Variants in GABBR1 observed in about 807,000 individuals in gnomAD.
The protein encoded by GABBR1 is gamma-aminobutyric acid type B receptor subunit 1.
In GABBR1, 35 loss-of-function variants were observed where a neutral mutation model predicts 117.7. The ratio of observed to expected loss-of-function variants is 0.30; its 90% CI spans 0.23 to 0.39. The LOEUF is 0.39. GABBR1 is among the 10% of genes least tolerant of loss of function. GABBR1 has a pLI of 1.00. For synonymous variants in GABBR1, 442 were observed against 486.6 expected (o/e 0.91, Z 1.21); for missense variants, 709 against 1,241.8 (o/e 0.57, Z 6.45).
Position 29,605,466 on chromosome 6 carries a change from T to C in GABBR1, c.2439+103A>G. The C allele has an allele frequency of 7.0e-7, 1 of 1,424,094 alleles. No homozygotes were observed. Among genetic ancestry groups the C allele is most frequent in the East Asian group, 2.3e-5 (1 of 43,752 alleles). The allele number at this position is 1,424,094 out of a possible 1,614,324, so 88.2% of individuals were successfully genotyped here. ...AAGAATTAACAAACTTTTTAAGACT[T>C]CTAAGCAACCGATCCCAGATCTAGC... On this transcript the variant is annotated intron_variant, in intron 20 of 22. Transcript: ENST00000377034. The surrounding 1 kb of genome is among the most constrained non-coding windows in gnomAD (Gnocchi z 4.2).
rs1000435898 is a variant in GABBR1, at chr6:29,613,956, C to T, written c.1324-471G>A. Among the ~76,000 whole-genome samples the T allele has an allele frequency of 6.6e-6, 1 of 152,186 alleles. No homozygotes were observed. Among genetic ancestry groups the T allele is most frequent in the Non-Finnish European group, 1.5e-5 (1 of 68,028 alleles). On this transcript the variant is annotated intron_variant, in intron 11 of 22. Transcript: ENST00000377034. The surrounding 1 kb of genome is among the most constrained non-coding windows in gnomAD (Gnocchi z 4.1). ...ATAGCAGTCTTCTCACTCTGCTTGCCAGCCAGGAGGATATTTCTTCAGCAT... is the reference window on the plus strand; with the variant it reads ...ATAGCAGTCTTCTCACTCTGCTTGCTAGCCAGGAGGATATTTCTTCAGCAT...
chr6:29,621,996 G>A lies in GABBR1; in HGVS notation c.1065+108C>T. 1 of 1,089,446 alleles carries A rather than the reference G, an allele frequency of 9.2e-7. No individual in the cohort carries two copies. The highest frequency in any genetic ancestry group is 1.4e-6 in the Non-Finnish European group (1 of 722,232). The allele number at this position is 1,089,446 out of a possible 1,614,324, so 67.5% of individuals were successfully genotyped here. On this transcript the variant is annotated intron_variant, in intron 9 of 22. Transcript: ENST00000377034. This position sits in a 1 kb window ranked among gnomAD's most constrained non-coding sequence, Gnocchi z 5.0. The stretch of plus-strand genomic sequence containing the variant: ...CTAAACTTCCCCAGGAGATGCTATT[G>A]CCTCAGAGAATCAAAACCTGCCCCC...
At position 29,630,317 on chromosome 6, in the gene GABBR1, A is replaced by T. The variant is rs1764826543; in HGVS notation, c.475+141T>A. 2 of 704,122 alleles carry T rather than the reference A, an allele frequency of 2.8e-6. No homozygotes were observed. The highest frequency in any genetic ancestry group is 4.6e-6 in the Non-Finnish European group (2 of 430,886). 43.6% of individuals were successfully genotyped at this position (704,122 alleles called of 1,614,324 possible). On this transcript the variant is annotated intron_variant, in intron 4 of 22. Transcript: ENST00000377034. The surrounding 1 kb of genome is among the most constrained non-coding windows in gnomAD (Gnocchi z 4.9). ...AGTTTGAGGCAGGTGATGGAGGAAA[A>T]AGGGACTTTCATCTCCCCTTTCCAG...
At position 29,632,737 on chromosome 6, in the gene GABBR1, T is replaced by G; in HGVS notation, c.-1+113A>C. 8.2e-7 allele frequency: 1 copy of G among 1,226,156 alleles called. No individual in the cohort carries two copies. The highest frequency in any genetic ancestry group is 1.8e-5 in the African/African-American group (1 of 56,190). 76.0% of individuals were successfully genotyped at this position (1,226,156 alleles called of 1,614,324 possible). On this transcript the variant is annotated intron_variant, in intron 1 of 22. Transcript: ENST00000377034. The surrounding 1 kb of genome is among the most constrained non-coding windows in gnomAD (Gnocchi z 5.8). ...TCCCCGATTCCATCCCCGCGGTTCC[T>G]CCTCTCCCCCAGCCCCGCTTCCCCC...
In GABBR1 at chr6:29,627,430, C is replaced by T. The variant is rs1270925487; in HGVS notation, c.657+56G>A. On this transcript the variant is annotated intron_variant, in intron 6 of 22. Transcript: ENST00000377034. The surrounding 1 kb of genome is among the most constrained non-coding windows in gnomAD (Gnocchi z 4.4). ...GACAGATGGGGGCGCGTGCAGCTGGCTGGCCCCCTGCCCCGCAAGCCCCCA... is the reference window on the plus strand; with the variant it reads ...GACAGATGGGGGCGCGTGCAGCTGGTTGGCCCCCTGCCCCGCAAGCCCCCA... The T allele has an allele frequency of 1.3e-6, 2 of 1,504,420 alleles. No homozygotes were observed. Among genetic ancestry groups the T allele is most frequent in the Non-Finnish European group, 1.8e-6 (2 of 1,111,696 alleles). 93.2% of individuals were successfully genotyped at this position (1,504,420 alleles called of 1,614,324 possible).
chr6:29,627,942 G>T lies in GABBR1; in HGVS notation c.497-296C>A. On this transcript the variant is annotated intron_variant, in intron 5 of 22. Coordinates refer to ENST00000377034, the MANE Select transcript of GABBR1 (RefSeq NM_001470.4). This position sits in a 1 kb window ranked among gnomAD's most constrained non-coding sequence, Gnocchi z 4.4. ...GCGAGGGCCCCGGAGAAGCAGGGAA[G>T]GTTGGCTTCCTACGGCCCCCGCGGC... 6 of 1,357,150 alleles carry T rather than the reference G, an allele frequency of 4.4e-6. No homozygotes were observed. The highest frequency in any genetic ancestry group is 4.7e-6 in the Non-Finnish European group (5 of 1,064,122). 84.1% of individuals were successfully genotyped at this position (1,357,150 alleles called of 1,614,324 possible). A position where few individuals can be genotyped will look rare whatever the true frequency, so the allele number is the denominator to read the frequency against.
chr6:29,631,737 G>A lies in GABBR1; in HGVS notation c.86-138C>T. The A allele has an allele frequency of 7.1e-6, 5 of 705,280 alleles. No homozygotes were observed. Among genetic ancestry groups the A allele is most frequent in the South Asian group, 6.7e-5 (4 of 59,670 alleles). 43.7% of individuals were successfully genotyped at this position (705,280 alleles called of 1,614,324 possible). On this transcript the variant is annotated intron_variant, in intron 2 of 22. Transcript: ENST00000377034. This position sits in a 1 kb window ranked among gnomAD's most constrained non-coding sequence, Gnocchi z 5.9. Reference sequence around the variant, plus strand: ...ACAGAGGAAGAGGGATGGGGCACTAGAGGGTGGGAGTGGGGACAGGTACAG... The same window carrying A: ...ACAGAGGAAGAGGGATGGGGCACTAAAGGGTGGGAGTGGGGACAGGTACAG...
chr6:29,626,135 A>G (rs1020773491), intron 6 of GABBR1, among the ~76,000 whole-genome samples: 7 of 152,172 alleles, frequency 4.6e-5, no homozygotes, highest in African/African-American at 1.7e-4. Flanking sequence ...GCTGAGAACC[A>G]CGAGAAAGTA....
chr6:29,610,140 G>A (rs1384924767), intron 14 of GABBR1, among the ~76,000 whole-genome samples: 3 of 151,124 alleles, frequency 2.0e-5, no homozygotes, highest in Non-Finnish European at 2.9e-5. Context: ...CAGGGCAGAC[G>A]GCAGCCATCT....
In GABBR1 at chr6:29,611,721, G is replaced by A. The variant is rs1446413094; in HGVS notation, c.1631-720C>T. Among the ~76,000 whole-genome samples the A allele has an allele frequency of 1.3e-5, 2 of 152,158 alleles. No homozygotes were observed. Among genetic ancestry groups the A allele is most frequent in the Non-Finnish European group, 2.9e-5 (2 of 68,034 alleles). ...GCCGTAAAAGACTGAGAGCCGAGTG[G>A]AGCAGAAAAATTAACTCCTAGAAGT... On this transcript the variant is annotated intron_variant, in intron 13 of 22. Coordinates refer to ENST00000377034, the MANE Select transcript of GABBR1 (RefSeq NM_001470.4). This position sits in a 1 kb window ranked among gnomAD's most constrained non-coding sequence, Gnocchi z 4.6.
In GABBR1 at chr6:29,632,862, G is replaced by T; in HGVS notation, c.-13C>A. The T allele has an allele frequency of 6.5e-6, 2 of 307,926 alleles. No individual in the cohort carries two copies. Among genetic ancestry groups the T allele is most frequent in the Non-Finnish European group, 1.1e-5 (2 of 180,146 alleles). 19.1% of individuals were successfully genotyped at this position (307,926 alleles called of 1,614,324 possible). A position where few individuals can be genotyped will look rare whatever the true frequency, so the allele number is the denominator to read the frequency against. The stretch of plus-strand genomic sequence containing the variant: ...CCCTGGCTCTTACCTCGGCGCGCGG[G>T]CCCGGCTCCCCGGCTCTCCCCGGGC... On this transcript the variant is annotated 5_prime_UTR_variant, in exon 1 of 23. Coordinates refer to ENST00000377034, the MANE Select transcript of GABBR1 (RefSeq NM_001470.4). The surrounding 1 kb of genome is among the most constrained non-coding windows in gnomAD (Gnocchi z 5.8).
chr6:29,604,588 G>A lies in GABBR1; in HGVS notation c.2618C>T (p.Thr873Ile). The change falls in exon 22 of 23, where the codon ACC becomes ATC. Residue 873 changes from threonine (T) to isoleucine (I), a missense_variant. Transcript: ENST00000377034. This position sits in a 1 kb window ranked among gnomAD's most constrained non-coding sequence, Gnocchi z 5.3. ...GTTGGTCGATGACCCTGTCTTCATG[G>A]TGTCCTGCGCCTCCGACTGCCATTC... ...RGEWQSEAQD[T>I]MKTGSSTNNN... is the part of the protein sequence containing the mutation. 1 of 1,613,240 alleles carries A rather than the reference G, an allele frequency of 6.2e-7. No individual in the cohort carries two copies. Among genetic ancestry groups the A allele is most frequent in the South Asian group, 1.1e-5 (1 of 91,088 alleles).
In GABBR1 at chr6:29,605,613, T is replaced by A. The variant is rs751938596; in HGVS notation, c.2395A>T (p.Ile799Phe). ...ATGCCCACAGCCCGGTGATCATTGA[T>A]CTTCTCAGTGGACACACTCTTGGTC... ...YETKSVSTEKINDHRAVGMAI... is the reference protein window; with the variant it reads ...YETKSVSTEKFNDHRAVGMAI... The change falls in exon 20 of 23, where the codon ATC (isoleucine) becomes TTC (phenylalanine). Residue 799 changes from isoleucine (I) to phenylalanine (F), a missense_variant. Physicochemically the swap from Ile to Phe is conservative, Grantham distance 21. Transcript: ENST00000377034. The surrounding 1 kb of genome is among the most constrained non-coding windows in gnomAD (Gnocchi z 4.2). 1 of 1,613,094 alleles carries A rather than the reference T, an allele frequency of 6.2e-7. No homozygotes were observed. Among genetic ancestry groups the A allele is most frequent in the Non-Finnish European group, 8.5e-7 (1 of 1,180,022 alleles).
In GABBR1 at chr6:29,606,313, C is replaced by G; in HGVS notation, c.2311+78G>C. On this transcript the variant is annotated intron_variant, in intron 19 of 22. Coordinates refer to ENST00000377034, the MANE Select transcript of GABBR1 (RefSeq NM_001470.4). The surrounding 1 kb of genome is among the most constrained non-coding windows in gnomAD (Gnocchi z 4.5). ...TCTACCTCCTCTTCCAAAGACCCCTCTCCCTCCAAGCCCTCTACCCCTGCC... is the reference window on the plus strand; with the variant it reads ...TCTACCTCCTCTTCCAAAGACCCCTGTCCCTCCAAGCCCTCTACCCCTGCC... 9.9e-7 allele frequency: 1 copy of G among 1,005,682 alleles called. No homozygotes were observed. The highest frequency in any genetic ancestry group is 1.6e-6 in the Non-Finnish European group (1 of 629,512). The allele number at this position is 1,005,682 out of a possible 1,614,324, so 62.3% of individuals were successfully genotyped here.
At chr6:29,614,319 C>G (rs1762841272) in intron 11 of GABBR1, among the ~76,000 whole-genome samples, 1 of 152,166 alleles carries the variant, frequency 6.6e-6, no homozygotes, top group African/African-American at 2.4e-5. Context: ...AGAAACCATA[C>G]AAGGAAAAGC....
In GABBR1 at chr6:29,627,398, C is replaced by T. The variant is rs1051697177; in HGVS notation, c.657+88G>A. The stretch of plus-strand genomic sequence containing the variant: ...GGGGTCTGCCTCGCAATCCCAGAGA[C>T]GACTCAGACAGATGGGGGCGCGTGC... On this transcript the variant is annotated intron_variant, in intron 6 of 22. Transcript: ENST00000377034. The surrounding 1 kb of genome is among the most constrained non-coding windows in gnomAD (Gnocchi z 4.4). 1.5e-6 allele frequency: 2 copies of T among 1,347,210 alleles called. No homozygotes were observed. The highest frequency in any genetic ancestry group is 2.0e-6 in the Non-Finnish European group (2 of 981,936). 83.5% of individuals were successfully genotyped at this position (1,347,210 alleles called of 1,614,324 possible).
intron 4 of GABBR1, 167 bp from the exon 5 acceptor site, chr6:29,629,274 G>A (rs1259469581): frequency 1.3e-6 from 1 of 745,654 alleles, no homozygotes. Context: ...GGTGGGTCTG[G>A]GGGTAAGGGG....
chr6:29,630,242 A>G lies in GABBR1; in HGVS notation c.475+216T>C, dbSNP rs1490972594. 2 of 459,572 alleles carry G rather than the reference A, an allele frequency of 4.4e-6. No homozygotes were observed. 28.5% of individuals were successfully genotyped at this position (459,572 alleles called of 1,614,324 possible). A position where few individuals can be genotyped will look rare whatever the true frequency, so the allele number is the denominator to read the frequency against. ...GAGCAGGAAGATTTTTTTAAAAGGT[A>G]AAGGAAGGAAGCCCCCAACCTACAG... On this transcript the variant is annotated intron_variant, in intron 4 of 22. Coordinates refer to ENST00000377034, the MANE Select transcript of GABBR1 (RefSeq NM_001470.4). The surrounding 1 kb of genome is among the most constrained non-coding windows in gnomAD (Gnocchi z 4.9).
At chr6:29,603,795 G>C in intron 22 of GABBR1, 79 bp from the exon 23 acceptor site, 24 of 1,108,594 alleles carry the variant, frequency 2.2e-5, no homozygotes, top group East Asian at 2.7e-5. Flanking sequence ...GAGAGGAAGG[G>C]CACAGGGAAA....
Sources: gnomAD v4.1 joint callset for allele counts (sites outside exome capture counted in the v4.1 genomes callset) on GRCh38, gnomAD v4.1.1 for gene constraint, Gnocchi (gnomAD v3.1) non-coding constraint, MANE v1.5 for transcripts, NCBI Gene and HGNC (gene_info 2026-07-23, HGNC 2026-07-21) for gene names.